The following EPHB3 variants were observed in gnomAD, a reference collection of about 807,000 sequenced individuals.
EPHB3 encodes the protein ephrin type-B receptor 3.
Under a neutral mutation model 100.2 loss-of-function variants are expected in EPHB3, and 33 were observed. The ratio of observed to expected loss-of-function variants is 0.33; its 90% CI spans 0.25 to 0.44. The LOEUF is 0.44. Among genes scored for constraint, EPHB3 ranks in the 20% least tolerant of loss-of-function variants. The pLI, the probability that EPHB3 is intolerant of heterozygous loss-of-function variation, is 1.00. For synonymous variants in EPHB3, 526 were observed against 554.7 expected (o/e 0.95, Z 0.73); for missense variants, 1,045 against 1,378.3 (o/e 0.76, Z 3.83).
chr3:184,580,670 C>A, intron 12 of EPHB3, 53 bp downstream of exon 12: 1 of 1,609,034 alleles, frequency 6.2e-7, no homozygotes. Flanking sequence ...CAGCCAGGGG[C>A]TCGGGCCTGG....
Position 184,562,920 on chromosome 3 carries a change from T to C in EPHB3, c.118+567T>C, listed in dbSNP as rs1030266521. On this transcript the variant is annotated intron_variant, in intron 1 of 15. Coordinates refer to ENST00000330394, the MANE Select transcript of EPHB3 (RefSeq NM_004443.4). This position sits in a 1 kb window ranked among gnomAD's most constrained non-coding sequence, Gnocchi z 4.8. ...CGCCAATTACACCCGAGGTGCTGTA[T>C]GGGCGGGCCCCCGCACCCTTTGTGG... Among the ~76,000 whole-genome samples the C allele has an allele frequency of 4.6e-5, 7 of 152,236 alleles. No individual in the cohort carries two copies. Among genetic ancestry groups the C allele is most frequent in the African/African-American group, 1.7e-4 (7 of 41,474 alleles).
intron 13 of EPHB3, 42 bp from the exon 14 acceptor site, chr3:184,580,930 C>T (rs778294685): frequency 2.5e-6 from 4 of 1,607,232 alleles, no homozygotes; most frequent in Non-Finnish European, 3.4e-6. Flanking sequence ...GGCTGGGGAT[C>T]ATGGCAGTGG....
chr3:184,579,660 T>C lies in EPHB3; in HGVS notation c.1925-27T>C. On this transcript the variant is annotated intron_variant, in intron 10 of 15. Transcript: ENST00000330394. This position sits in a 1 kb window ranked among gnomAD's most constrained non-coding sequence, Gnocchi z 5.2. The stretch of plus-strand genomic sequence containing the variant: ...GAGGCGGGCTGGGTACAGGAGTGAG[T>C]CATAGCTTGTGCCCTGTGCCCTGCA... 6.2e-7 allele frequency: 1 copy of C among 1,606,404 alleles called. No individual in the cohort carries two copies. Among genetic ancestry groups the C allele is most frequent in the African/African-American group, 1.4e-5 (1 of 73,860 alleles).
chr3:184,577,538 T>C lies in EPHB3; in HGVS notation c.1479+71T>C. On this transcript the variant is annotated intron_variant, in intron 6 of 15. Coordinates refer to ENST00000330394, the MANE Select transcript of EPHB3 (RefSeq NM_004443.4). The surrounding 1 kb of genome is among the most constrained non-coding windows in gnomAD (Gnocchi z 4.9). ...TGAGAAAATTACCCCCGGATCATGATGGGGCCCTTGGGAGCAAGGCCTTGG... is the reference window on the plus strand; with the variant it reads ...TGAGAAAATTACCCCCGGATCATGACGGGGCCCTTGGGAGCAAGGCCTTGG... 1 of 1,598,096 alleles carries C rather than the reference T, an allele frequency of 6.3e-7. No homozygotes were observed. Among genetic ancestry groups the C allele is most frequent in the Non-Finnish European group, 8.5e-7 (1 of 1,171,332 alleles).
rs1380303860 is a variant in EPHB3 at position 184,571,325 on chromosome 3, C to T, written c.126C>T (p.Leu42=). ...PAGCRALEET[L]MDTKWVTSEL... ...TCTCCGTTGTTCCTCCAGAGACCCTCATGGACACAAAATGGGTAACATCTG... is the reference window on the plus strand; with the variant it reads ...TCTCCGTTGTTCCTCCAGAGACCCTTATGGACACAAAATGGGTAACATCTG... Residue 42 remains leucine (L), a synonymous_variant, in exon 2 of 16, where the codon CTC becomes CTT. Coordinates refer to ENST00000330394, the MANE Select transcript of EPHB3 (RefSeq NM_004443.4). This position sits in a 1 kb window ranked among gnomAD's most constrained non-coding sequence, Gnocchi z 5.0. The T allele has an allele frequency of 6.2e-7, 1 of 1,613,946 alleles. No homozygotes were observed. The highest frequency in any genetic ancestry group is 1.1e-5 in the South Asian group (1 of 91,082).
chr3:184,581,762 C>G lies in EPHB3; in HGVS notation c.*140C>G. 1 of 798,240 alleles carries G rather than the reference C, an allele frequency of 1.3e-6. No homozygotes were observed. The highest frequency in any genetic ancestry group is 1.9e-6 in the Non-Finnish European group (1 of 515,830). 49.4% of individuals were successfully genotyped at this position (798,240 alleles called of 1,614,324 possible). A position where few individuals can be genotyped will look rare whatever the true frequency, so the allele number is the denominator to read the frequency against. Reference sequence around the variant, plus strand: ...AGTTTGGGAAAGGCCCAAGCTGGGACTTCTCCAGGCCTGTGTTCCCTCCCC... The same window carrying G: ...AGTTTGGGAAAGGCCCAAGCTGGGAGTTCTCCAGGCCTGTGTTCCCTCCCC... On this transcript the variant is annotated 3_prime_UTR_variant, in exon 16 of 16. Coordinates refer to ENST00000330394, the MANE Select transcript of EPHB3 (RefSeq NM_004443.4).
Position 184,573,215 on chromosome 3 carries a change from G to A in EPHB3, c.856+39G>A, listed in dbSNP as rs1714585664. The A allele has an allele frequency of 6.2e-7, 1 of 1,603,614 alleles. No homozygotes were observed. Among genetic ancestry groups the A allele is most frequent in the South Asian group, 1.1e-5 (1 of 91,010 alleles). On this transcript the variant is annotated intron_variant, in intron 3 of 15. Coordinates refer to ENST00000330394, the MANE Select transcript of EPHB3 (RefSeq NM_004443.4). The surrounding 1 kb of genome is among the most constrained non-coding windows in gnomAD (Gnocchi z 4.5). ...GTCCTGGGGAAAGGGTTGTCGGGAG[G>A]GCCTGGGCCACAGCTACCTACCGCC...
Position 184,580,655 on chromosome 3 carries a change from C to T in EPHB3, c.2388+38C>T. On this transcript the variant is annotated intron_variant, in intron 12 of 15. Coordinates refer to ENST00000330394, the MANE Select transcript of EPHB3 (RefSeq NM_004443.4). Reference sequence around the variant, plus strand: ...GCTGGGAGGGAGACTGGGGGCGGGGCCTATCAGCCAGGGGCTCGGGCCTGG... The same window carrying T: ...GCTGGGAGGGAGACTGGGGGCGGGGTCTATCAGCCAGGGGCTCGGGCCTGG... The T allele has an allele frequency of 1.9e-6, 3 of 1,609,704 alleles. No individual in the cohort carries two copies. In the South Asian group the frequency reaches 3.3e-5, roughly 18 times the overall value.
chr3:184,578,163 C>T lies in EPHB3; in HGVS notation c.1748+157C>T. On this transcript the variant is annotated intron_variant, in intron 8 of 15. Coordinates refer to ENST00000330394, the MANE Select transcript of EPHB3 (RefSeq NM_004443.4). The surrounding 1 kb of genome is among the most constrained non-coding windows in gnomAD (Gnocchi z 4.7). Reference sequence around the variant, plus strand: ...CGTTGCTGGAGAAGCCCTCTCCCATCCCTGCCTGTGTCTTCATCCCGCCCT... The same window carrying T: ...CGTTGCTGGAGAAGCCCTCTCCCATTCCTGCCTGTGTCTTCATCCCGCCCT... 1 of 902,318 alleles carries T rather than the reference C, an allele frequency of 1.1e-6. No homozygotes were observed. Among genetic ancestry groups the T allele is most frequent in the Non-Finnish European group, 1.6e-6 (1 of 606,872 alleles). 55.9% of individuals were successfully genotyped at this position (902,318 alleles called of 1,614,324 possible). A position where few individuals can be genotyped will look rare whatever the true frequency, so the allele number is the denominator to read the frequency against.
chr3:184,579,442 C>A lies in EPHB3; in HGVS notation c.1802-35C>A, dbSNP rs749599199. 3.8e-5 allele frequency: 61 copies of A among 1,605,544 alleles called. No individual in the cohort carries two copies. The highest frequency in any genetic ancestry group is 1.3e-4 in the Admixed American group (8 of 59,824). ...CCATCGCAGGGAGAGGCTGGCTTGA[C>A]GTTACCCTCTCACGCCCACCTCTTC... On this transcript the variant is annotated intron_variant, in intron 9 of 15. Transcript: ENST00000330394. The surrounding 1 kb of genome is among the most constrained non-coding windows in gnomAD (Gnocchi z 5.2).
intron 4 of EPHB3, 106 bp downstream of exon 4, chr3:184,576,091 G>A: frequency 3.5e-6 from 5 of 1,423,826 alleles, no homozygotes; most frequent in Non-Finnish European, 4.7e-6. Flanking sequence ...TCCAGGGAAG[G>A]AGCTGAGGCT....
In EPHB3 at chr3:184,571,829, T is replaced by C. The variant is rs539407161; in HGVS notation, c.183+447T>C. ...TCCCGCAGTCCGGACCTCTCTCACA[T>C]ATTCTAATTAATCTCCCTAGATGGC... On this transcript the variant is annotated intron_variant, in intron 2 of 15. Transcript: ENST00000330394. This position sits in a 1 kb window ranked among gnomAD's most constrained non-coding sequence, Gnocchi z 5.0. Among the ~76,000 whole-genome samples the C allele has an allele frequency of 1.6e-4, 25 of 152,294 alleles. No individual in the cohort carries two copies. The highest frequency in any genetic ancestry group is 2.8e-4 in the Non-Finnish European group (19 of 68,032).
Position 184,580,974 on chromosome 3 carries a change from C to T in EPHB3, c.2541C>T (p.Val847=). 1 of 1,610,728 alleles carries T rather than the reference C, an allele frequency of 6.2e-7. No homozygotes were observed. The highest frequency in any genetic ancestry group is 8.5e-7 in the Non-Finnish European group (1 of 1,177,332). The part of the protein sequence containing the change: ...RPYWDMSNQD[V]INAVEQDYRL... ...GGGTTTCCCTGCCTTCGGCCCAGGTCATCAATGCCGTGGAGCAGGATTACC... is the reference window on the plus strand; with the variant it reads ...GGGTTTCCCTGCCTTCGGCCCAGGTTATCAATGCCGTGGAGCAGGATTACC... The change falls in exon 14 of 16, where the codon GTC becomes GTT. Residue 847 remains valine, a splice_region_variant and synonymous_variant. Coordinates refer to ENST00000330394, the MANE Select transcript of EPHB3 (RefSeq NM_004443.4).
Position 184,578,197 on chromosome 3 carries a change from A to C in EPHB3, c.1748+191A>C. 1.2e-6 allele frequency: 1 copy of C among 854,260 alleles called. No homozygotes were observed. The highest frequency in any genetic ancestry group is 1.8e-6 in the Non-Finnish European group (1 of 564,822). 52.9% of individuals were successfully genotyped at this position (854,260 alleles called of 1,614,324 possible). On this transcript the variant is annotated intron_variant, in intron 8 of 15. Transcript: ENST00000330394. The surrounding 1 kb of genome is among the most constrained non-coding windows in gnomAD (Gnocchi z 4.7). Reference sequence around the variant, plus strand: ...TGTCTTCATCCCGCCCTTTCTCCATACCCCATTCCCTGAATCTCCGGGCAG... The same window carrying C: ...TGTCTTCATCCCGCCCTTTCTCCATCCCCCATTCCCTGAATCTCCGGGCAG...
chr3:184,562,239 G>T lies in EPHB3; in HGVS notation c.4G>T (p.Ala2Ser). The change falls in exon 1 of 16, where the codon GCC becomes TCC. Residue 2 changes from alanine (A) to serine (S), a missense_variant. By Grantham distance (99) the Ala-to-Ser change is moderately conservative. This residue lies in a region of EPHB3 where 60 missense variants were observed against 47.2 expected (regional missense o/e 1.27). Transcript: ENST00000330394. This position sits in a 1 kb window ranked among gnomAD's most constrained non-coding sequence, Gnocchi z 4.8. ...GGCTCCTAGAGCTGCCACGGCCATG[G>T]CCAGAGCCCGCCCGCCGCCGCCGCC... M[A>S]RARPPPPPSP... The T allele has an allele frequency of 1.0e-6, 1 of 990,254 alleles. No homozygotes were observed. Among genetic ancestry groups the T allele is most frequent in the Non-Finnish European group, 1.3e-6 (1 of 790,520 alleles). 61.3% of individuals were successfully genotyped at this position (990,254 alleles called of 1,614,324 possible). A position where few individuals can be genotyped will look rare whatever the true frequency, so the allele number is the denominator to read the frequency against.
At position 184,562,724 on chromosome 3, in the gene EPHB3, C is replaced by T. The variant is rs187577590; in HGVS notation, c.118+371C>T. Among the ~76,000 whole-genome samples the T allele has an allele frequency of 6.6e-6, 1 of 151,844 alleles. No homozygotes were observed. Among genetic ancestry groups the T allele is most frequent in the Non-Finnish European group, 1.5e-5 (1 of 67,896 alleles). On this transcript the variant is annotated intron_variant, in intron 1 of 15. Transcript: ENST00000330394. The surrounding 1 kb of genome is among the most constrained non-coding windows in gnomAD (Gnocchi z 4.8). ...GGCGACCCCCCAGGCAAGGCGAGGG[C>T]CGCGGGGCTGTGGCGGGTGGGGGCG...
At position 184,577,221 on chromosome 3, in the gene EPHB3, T is replaced by C. The variant is rs753769374; in HGVS notation, c.1354+38T>C. 1.6e-5 allele frequency: 25 copies of C among 1,570,584 alleles called. No homozygotes were observed. Among genetic ancestry groups the C allele is most frequent in the East Asian group, 4.5e-5 (2 of 44,352 alleles). ...CACTGGAGGGTAGGGCCTGGGTCAC[T>C]TTCTCCTGGATGAGGTGTCCCAGGA... On this transcript the variant is annotated intron_variant, in intron 5 of 15. Coordinates refer to ENST00000330394, the MANE Select transcript of EPHB3 (RefSeq NM_004443.4). The surrounding 1 kb of genome is among the most constrained non-coding windows in gnomAD (Gnocchi z 4.9).
Position 184,581,396 on chromosome 3 carries a change from A to G in EPHB3, c.2876A>G (p.Gln959Arg). ...AGFASFDLVA[Q>R]MTAEDLLRIG... ...TTTGCATCTTTTGACCTGGTGGCCC[A>G]GATGACGGCAGAGTAAGTGTGCCTC... The change falls in exon 15 of 16, where the codon CAG becomes CGG. Residue 959 changes from glutamine (Q) to arginine (R), a missense_variant. Coordinates refer to ENST00000330394, the MANE Select transcript of EPHB3 (RefSeq NM_004443.4). The G allele has an allele frequency of 6.3e-7, 1 of 1,586,900 alleles. No homozygotes were observed. Among genetic ancestry groups the G allele is most frequent in the Non-Finnish European group, 8.6e-7 (1 of 1,165,448 alleles).
Position 184,572,890 on chromosome 3 carries a change from C to T in EPHB3, c.570C>T (p.Tyr190=), listed in dbSNP as rs1488755719. 4 of 1,561,182 alleles carry T rather than the reference C, an allele frequency of 2.6e-6. No individual in the cohort carries two copies. Among genetic ancestry groups the T allele is most frequent in the South Asian group, 2.4e-5 (2 of 82,130 alleles). ...GGCCACTTTCCAAGGCTGGCTTCTA[C>T]CTGGCCTTCCAGGACCAGGGCGCCT... The part of the protein sequence containing the change: ...SFGPLSKAGF[Y]LAFQDQGACM... The change falls in exon 3 of 16, where the codon TAC becomes TAT. Residue 190 remains tyrosine (Y), a synonymous_variant. Coordinates refer to ENST00000330394, the MANE Select transcript of EPHB3 (RefSeq NM_004443.4). The surrounding 1 kb of genome is among the most constrained non-coding windows in gnomAD (Gnocchi z 6.6).
Sources: gnomAD v4.1 joint callset for allele counts (sites outside exome capture counted in the v4.1 genomes callset) on GRCh38, gnomAD v4.1.1 for gene constraint, gnomAD v4.1.1 regional missense constraint, Gnocchi (gnomAD v3.1) non-coding constraint, MANE v1.5 for transcripts, NCBI Gene and HGNC (gene_info 2026-07-23, HGNC 2026-07-21) for gene names.